Variants in TRMT44 observed in about 807,000 individuals in gnomAD.
TRMT44 encodes tRNA methyltransferase 44 homolog.
TRMT44 carries 78 observed loss-of-function variants against 77.3 expected under a neutral mutation model. The observed-to-expected ratio is 1.01, with a 90% CI of 0.84 to 1.22. TRMT44 has a LOEUF of 1.22. Among genes scored for constraint, TRMT44 ranks in the 50% most tolerant of loss-of-function variants. TRMT44 has a pLI of 0.00. For synonymous variants in TRMT44, 391 were observed against 383.3 expected, an observed-to-expected ratio of 1.02 and a Z score of -0.23; for missense variants, 1,090 against 964.4, an observed-to-expected ratio of 1.13 and a Z score of -1.73.
intron 3 of TRMT44, among the ~76,000 whole-genome samples, chr4:8,450,856 G>T (rs1725405714): frequency 7.2e-6 from 1 of 139,540 alleles, no homozygotes; most frequent in Non-Finnish European, 1.5e-5. Flanking sequence ...GGGGTGCAGT[G>T]GTGCAATCTT....
chr4:8,459,380 C>T (rs1726014146), intron 6 of TRMT44, among the ~76,000 whole-genome samples: 1 of 152,196 alleles, frequency 6.6e-6, no homozygotes, highest in Non-Finnish European at 1.5e-5. Flanking sequence ...ATCCGCACAA[C>T]AGCACTGGGA....
intron 2 of TRMT44, among the ~76,000 whole-genome samples, chr4:8,448,480 C>A (rs963188127): frequency 2.6e-5 from 4 of 152,114 alleles, no homozygotes; most frequent in Admixed American, 1.3e-4. Context: ...GGAAGAGAGG[C>A]GGATGAAGGA....
At chr4:8,462,561 T>C (rs1187632328) in intron 6 of TRMT44, among the ~76,000 whole-genome samples, 1 of 150,962 alleles carries the variant, frequency 6.6e-6, no homozygotes, top group African/African-American at 2.4e-5. Flanking sequence ...AAAAATTAGC[T>C]GGGTGTGGTG....
chr4:8,483,903 G>T (rs1276546476), intron 2 of TRMT44, among the ~76,000 whole-genome samples: 2 of 152,184 alleles, frequency 1.3e-5, no homozygotes, highest in Admixed American at 1.3e-4. Flanking sequence ...CTGACTCAGG[G>T]CATGTTGAGT....
intron 9 of TRMT44, chr4:8,468,620 C>T: frequency 1.7e-6 from 1 of 573,556 alleles, no homozygotes; most frequent in Non-Finnish European, 3.1e-6. Flanking sequence ...GGGGCTAGAA[C>T]TACTCATTTT....
Position 8,475,933 on chromosome 4 carries a change from T to C in TRMT44, c.2206T>C (p.Cys736Arg). The C allele has an allele frequency of 6.2e-7, 1 of 1,614,202 alleles. No individual in the cohort carries two copies. Among genetic ancestry groups the C allele is most frequent in the Non-Finnish European group, 8.5e-7 (1 of 1,180,040 alleles). ...PDGCALSTDC[C>R]PFAHGPAELR... ...TGGCTGCGCTCTGTCCACGGACTGC[T>C]GCCCGTTTGCCCATGGGCCTGCGGA... The change falls in exon 11 of 11, where the codon TGC becomes CGC. Residue 736 changes from cysteine to arginine, a missense_variant. By Grantham distance (180) the Cys-to-Arg change is radical. Coordinates refer to ENST00000389737, the MANE Select transcript of TRMT44 (RefSeq NM_152544.3).
At chr4:8,479,388 A>C (rs889216963), downstream of TRMT44, 2 of 152,090 alleles carry the variant, frequency 1.3e-5, no homozygotes, top group Admixed American at 6.6e-5. Flanking sequence ...ATCATCCTGC[A>C]ACATCAGAGT....
chr4:8,483,905 A>G (rs1476859823), intron 2 of TRMT44, among the ~76,000 whole-genome samples: 2 of 152,218 alleles, frequency 1.3e-5, no homozygotes, highest in Non-Finnish European at 2.9e-5. Context: ...GACTCAGGGC[A>G]TGTTGAGTAA....
chr4:8,443,614 A>G (rs1182266322), intron 1 of TRMT44, among the ~76,000 whole-genome samples: 1 of 152,238 alleles, frequency 6.6e-6, no homozygotes, highest in Non-Finnish European at 1.5e-5. Flanking sequence ...TAAAGTGCTT[A>G]GAATAGTTCC....
intron 6 of TRMT44, 128 bp downstream of exon 6, chr4:8,454,941 A>T (rs562867355): frequency 1.2e-6 from 1 of 832,364 alleles, no homozygotes; most frequent in Non-Finnish European, 2.0e-6. Context: ...ACATTAATCT[A>T]AGTGCTCTGA....
chr4:8,487,916 C>T (rs1165856380), intron 2 of TRMT44, among the ~76,000 whole-genome samples: 1 of 152,164 alleles, frequency 6.6e-6, no homozygotes, highest in South Asian at 2.1e-4. Flanking sequence ...CAAGGGAAGG[C>T]TGCCTTCCCT....
downstream of TRMT44, among the ~76,000 whole-genome samples, chr4:8,495,066 G>C (rs1728112121): frequency 6.6e-6 from 1 of 152,214 alleles, no homozygotes; most frequent in Non-Finnish European, 1.5e-5. Context: ...TGCCATGGCT[G>C]TTTGGAACCA....
chr4:8,499,554 G>A, the TRMT44 span, among the ~76,000 whole-genome samples: 5 of 144,656 alleles, frequency 3.5e-5, no homozygotes, highest in Non-Finnish European at 6.1e-5. Flanking sequence ...GTGTTGGGGC[G>A]TGTGGGGTGG....
Position 8,468,156 on chromosome 4 carries a change from C to G in TRMT44, c.1737C>G (p.Pro579=), listed in dbSNP as rs1376397000. The G allele has an allele frequency of 9.3e-6, 15 of 1,614,018 alleles. No homozygotes were observed. The highest frequency in any genetic ancestry group is 1.3e-5 in the Non-Finnish European group (15 of 1,180,008). ...RAWAAEHGAG[P]QAEGPWLPGF... Reference sequence around the variant, plus strand: ...GGGCCGCTGAGCATGGAGCAGGGCCCCAGGCTGAAGGACCCTGGCTACCTG... The same window carrying G: ...GGGCCGCTGAGCATGGAGCAGGGCCGCAGGCTGAAGGACCCTGGCTACCTG... The change falls in exon 9 of 11, where the codon CCC becomes CCG. Residue 579 remains proline, a synonymous_variant. Coordinates refer to ENST00000389737, the MANE Select transcript of TRMT44 (RefSeq NM_152544.3).
chr4:8,514,375 G>A, the TRMT44 span, among the ~76,000 whole-genome samples: 2 of 149,966 alleles, frequency 1.3e-5, no homozygotes, highest in East Asian at 4.0e-4. Flanking sequence ...GTGCGATCTT[G>A]GCTCACTGCA....
intron 7 of TRMT44, among the ~76,000 whole-genome samples, chr4:8,464,893 A>G (rs1055798150): frequency 5.9e-5 from 9 of 152,254 alleles, no homozygotes; most frequent in African/African-American, 2.2e-4. Context: ...CACAAAGAAA[A>G]GGAAATCATG....
intron 2 of TRMT44, among the ~76,000 whole-genome samples, chr4:8,485,958 T>G (rs1727790257): frequency 6.6e-6 from 1 of 152,118 alleles, no homozygotes; most frequent in African/African-American, 2.4e-5. Context: ...GGGGATGGAC[T>G]TACCCTCCAC....
the TRMT44 span, chr4:8,507,256 G>C: frequency 6.6e-6 from 1 of 152,300 alleles, no homozygotes; most frequent in Non-Finnish European, 1.5e-5. Flanking sequence ...ACACCATGGG[G>C]GCCCCCGACC....
chr4:8,469,380 G>GAGGA (rs994583128), intron 9 of TRMT44, among the ~76,000 whole-genome samples: 2 of 152,230 alleles, frequency 1.3e-5, no homozygotes, highest in African/African-American at 4.8e-5. Context: ...CTGGAGCACA[G>GAGGA]AGGAAGAAGG....
Sources: allele counts gnomAD v4.1 joint callset (sites outside exome capture counted in the v4.1 genomes callset), GRCh38; gene constraint gnomAD v4.1.1; transcripts MANE v1.5; gene names NCBI Gene and HGNC (gene_info 2026-07-23, HGNC 2026-07-21).